The following BNC2 variants were observed in gnomAD, a reference collection of about 807,000 sequenced individuals.
BNC2 encodes basonuclin zinc finger protein 2, also known as zinc finger protein basonuclin-2.
In BNC2, 20 loss-of-function variants were observed where a neutral mutation model predicts 76.3. The ratio of observed to expected loss-of-function variants is 0.26; its 90% CI spans 0.18 to 0.38. The LOEUF is 0.38. BNC2 is among the 10% of genes least tolerant of loss of function. The probability of loss-of-function intolerance (pLI) is 1.00; values close to 1 mark genes in which losing one functional copy is unlikely to be tolerated. For missense variants in BNC2, 1,382 were observed against 1,399.8 expected, an observed-to-expected ratio of 0.99 and a Z score of 0.20; for synonymous variants, 582 against 514.8, an observed-to-expected ratio of 1.13 and a Z score of -1.77.
At chr9:16,508,098 A>G (rs1202845467) in intron 5 of BNC2, among the ~76,000 whole-genome samples, 2 of 152,238 alleles carry the variant, frequency 1.3e-5, no homozygotes, top group Non-Finnish European at 2.9e-5. Flanking sequence ...TGAGAGAGAT[A>G]AAACAGGTAA....
rs1398038662 is a variant in BNC2 at position 16,417,052 on chromosome 9, T to C, written c.*1937A>G. 2 of 152,352 alleles carry C rather than the reference T, an allele frequency of 1.3e-5. No individual in the cohort carries two copies. Among genetic ancestry groups the C allele is most frequent in the African/African-American group, 2.4e-5 (1 of 41,466 alleles). 9.4% of individuals were successfully genotyped at this position (152,352 alleles called of 1,614,324 possible). A position where few individuals can be genotyped will look rare whatever the true frequency, so the allele number is the denominator to read the frequency against. On this transcript the variant is annotated 3_prime_UTR_variant, in exon 7 of 7. Coordinates refer to ENST00000380672, the MANE Select transcript of BNC2 (RefSeq NM_017637.6). ...GAAAGAAATGTCTGAGGCCATTAAATGCAAAAAAGAAATACATTCTCTTTA... is the reference window on the plus strand; with the variant it reads ...GAAAGAAATGTCTGAGGCCATTAAACGCAAAAAAGAAATACATTCTCTTTA...
chr9:16,556,766 C>CAAAAAA lies in BNC2; in HGVS notation c.434-4007_434-4002dup, dbSNP rs397936765. On this transcript the variant is annotated intron_variant, in intron 4 of 6. Coordinates refer to ENST00000380672, the MANE Select transcript of BNC2 (RefSeq NM_017637.6). ...CTGGCGACAGAGCGAGACTCTAACT[C>CAAAAAA]AAAAAAAAAAAAAAATTAAACTGCC... Among the ~76,000 whole-genome samples, 52 of 127,334 alleles carry CAAAAAA rather than the reference C, an allele frequency of 4.1e-4. 1 individual carries two copies. The highest frequency in any genetic ancestry group is 1.5e-3 in the African/African-American group (51 of 34,796). 83.5% of individuals were successfully genotyped at this position (127,334 alleles called of 152,430 possible). A position where few individuals can be genotyped will look rare whatever the true frequency, so the allele number is the denominator to read the frequency against.
intron 5 of BNC2, among the ~76,000 whole-genome samples, chr9:16,458,690 T>C (rs1165500488): frequency 6.6e-6 from 1 of 152,260 alleles, no homozygotes; most frequent in East Asian, 1.9e-4. Flanking sequence ...ACTAATGGGC[T>C]ATCATAAATA....
rs556547654 is a variant in BNC2 at position 16,461,394 on chromosome 9, G to T, written c.670-23870C>A. Among the ~76,000 whole-genome samples the T allele has an allele frequency of 4.6e-5, 7 of 152,282 alleles. No individual in the cohort carries two copies. The South Asian group carries it at 1.0e-3, about 23-fold the overall frequency. On this transcript the variant is annotated intron_variant, in intron 5 of 6. Coordinates refer to ENST00000380672, the MANE Select transcript of BNC2 (RefSeq NM_017637.6). ...TACAGAACTTCCTTCACAGAACAGA[G>T]AAGCCACTTGAATGAGGATTTATGC...
At chr9:16,865,613 AATT>A (rs1400670524) in intron 1 of BNC2, among the ~76,000 whole-genome samples, 3 of 152,292 alleles carry the variant, frequency 2.0e-5, no homozygotes, top group Non-Finnish European at 4.4e-5. Context: ...GTTTATTTTA[AATT>A]ATAACAGCAA....
At chr9:16,495,597 T>C (rs1478949373) in intron 5 of BNC2, among the ~76,000 whole-genome samples, 1 of 152,238 alleles carries the variant, frequency 6.6e-6, no homozygotes, top group Non-Finnish European at 1.5e-5. Flanking sequence ...GTGCTGAATG[T>C]AGTTCAGGCC....
intron 4 of BNC2, among the ~76,000 whole-genome samples, chr9:16,577,444 G>A (rs183062931): frequency 6.6e-6 from 1 of 152,094 alleles, no homozygotes; most frequent in African/African-American, 2.4e-5. Context: ...AAGCTGGTTG[G>A]TATATGATAC....
chr9:16,448,550 C>T (rs77639817), intron 5 of BNC2, among the ~76,000 whole-genome samples: 197 of 152,192 alleles, frequency 1.3e-3, no homozygotes, highest in African/African-American at 4.7e-3. Context: ...GCTGATTGAA[C>T]AACCCCAAGG....
chr9:16,754,100 C>T (rs958478217), intron 1 of BNC2, among the ~76,000 whole-genome samples: 2 of 152,236 alleles, frequency 1.3e-5, no homozygotes, highest in Non-Finnish European at 2.9e-5. Context: ...TATTAACCGA[C>T]ACTCTCAGAA....
At chr9:16,571,901 GA>G (rs549593811) in intron 4 of BNC2, among the ~76,000 whole-genome samples, 102 of 150,526 alleles carry the variant, frequency 6.8e-4, no homozygotes, top group African/African-American at 2.1e-3. Context: ...ATGAAATATA[GA>G]AAAAAAAATG....
intron 1 of BNC2, among the ~76,000 whole-genome samples, chr9:16,847,300 TA>T (rs1396655528): frequency 6.6e-6 from 1 of 151,592 alleles, no homozygotes; most frequent in African/African-American, 2.4e-5. Context: ...TGTGTGCGTT[TA>T]TTTTTTTTAT....
At chr9:16,510,632 A>G (rs1036984284) in intron 5 of BNC2, among the ~76,000 whole-genome samples, 4 of 152,206 alleles carry the variant, frequency 2.6e-5, no homozygotes, top group Admixed American at 6.5e-5. Flanking sequence ...TCAACAGATA[A>G]GCCTTTACAG....
At chr9:16,472,731 C>A (rs1444046283) in intron 5 of BNC2, among the ~76,000 whole-genome samples, 1 of 152,154 alleles carries the variant, frequency 6.6e-6, no homozygotes, top group Non-Finnish European at 1.5e-5. Flanking sequence ...GAAAATTCAG[C>A]CATTGGAGGC....
intron 3 of BNC2, among the ~76,000 whole-genome samples, chr9:16,654,748 C>T (rs1821880846): frequency 6.6e-6 from 1 of 150,920 alleles, no homozygotes; most frequent in African/African-American, 2.5e-5. Context: ...AACCATTAGC[C>T]AAGTCAGATA....
intron 4 of BNC2, among the ~76,000 whole-genome samples, chr9:16,581,321 AGGCCGAGGCT>A (rs1819624479): frequency 6.6e-6 from 1 of 152,202 alleles, no homozygotes; most frequent in Non-Finnish European, 1.5e-5. Flanking sequence ...GCACTCTGGG[AGGCCGAGGCT>A]GGCAGATCAT....
At chr9:16,421,191 A>G in intron 6 of BNC2, 1 of 1,079,038 alleles carries the variant, frequency 9.3e-7, no homozygotes, top group African/African-American at 1.7e-5. Context: ...AAGACAATAT[A>G]CAGCACTCTG....
intron 1 of BNC2, among the ~76,000 whole-genome samples, chr9:16,795,427 C>A (rs1186683666): frequency 6.6e-6 from 1 of 151,024 alleles, no homozygotes; most frequent in Non-Finnish European, 1.5e-5. Context: ...CATTGCAATA[C>A]CGGAAACATT....
intron 2 of BNC2, among the ~76,000 whole-genome samples, chr9:16,733,471 A>C (rs987329504): frequency 1.3e-5 from 2 of 152,156 alleles, no homozygotes; most frequent in African/African-American, 4.8e-5. Context: ...AAATTATATC[A>C]TAATTTAAGC....
intron 3 of BNC2, among the ~76,000 whole-genome samples, chr9:16,692,416 C>G (rs527973272): frequency 1.8e-4 from 28 of 152,262 alleles, no homozygotes; most frequent in Non-Finnish European, 2.9e-4. Context: ...TGCTCAGTTA[C>G]GTATCTCCGA....
Sources: allele counts gnomAD v4.1 joint callset (sites outside exome capture counted in the v4.1 genomes callset), GRCh38; gene constraint gnomAD v4.1.1; transcripts MANE v1.5; gene names NCBI Gene and HGNC (gene_info 2026-07-23, HGNC 2026-07-21).